The following ARHGAP28 variants were observed in gnomAD, a reference collection of about 807,000 sequenced individuals.
ARHGAP28 encodes the protein rho GTPase-activating protein 28.
A neutral mutation model predicts 90.7 loss-of-function variants in ARHGAP28; 56 were observed. The observed-to-expected ratio is 0.62, with a 90% confidence interval of 0.50 to 0.77. ARHGAP28 has a LOEUF of 0.77. Among genes scored for constraint, ARHGAP28 ranks in the 30% least tolerant of loss-of-function variants. The probability of loss-of-function intolerance (pLI) is 0.00; values close to 1 mark genes in which losing one functional copy is unlikely to be tolerated. For missense variants in ARHGAP28, 869 were observed against 900.9 expected, an observed-to-expected ratio of 0.96 and a Z score of 0.45; for synonymous variants, 308 against 323.3, an observed-to-expected ratio of 0.95 and a Z score of 0.51.
In ARHGAP28 at chr18:6,833,122, T is replaced by C. The variant is rs1001291545; in HGVS notation, c.326-4075T>C. Among the ~76,000 whole-genome samples the C allele has an allele frequency of 2.0e-5, 3 of 151,994 alleles. No individual in the cohort carries two copies. In the East Asian group the frequency reaches 5.8e-4, roughly 29 times the overall value. Reference sequence around the variant, plus strand: ...TAATTTTGAAATAATTCCAAACATATAGGGAAGTCACAAGTACAGTTTTAA... The same window carrying C: ...TAATTTTGAAATAATTCCAAACATACAGGGAAGTCACAAGTACAGTTTTAA... On this transcript the variant is annotated intron_variant, in intron 2 of 17. Transcript: ENST00000383472.
chr18:6,868,295 A>C, intron 6 of ARHGAP28, 61 bp downstream of exon 6: 2 of 1,435,482 alleles, frequency 1.4e-6, no homozygotes, highest in Non-Finnish European at 2.0e-6. Context: ...TCTGGCACTC[A>C]ATACAGTTAG....
At chr18:6,827,722 G>A (rs1307784780) in intron 2 of ARHGAP28, among the ~76,000 whole-genome samples, 1 of 151,608 alleles carries the variant, frequency 6.6e-6, no homozygotes, top group Admixed American at 6.6e-5. Context: ...TGGTTGCCGG[G>A]TGGAGGGGCT....
intron 3 of ARHGAP28, among the ~76,000 whole-genome samples, chr18:6,838,396 G>A (rs892723316): frequency 6.6e-6 from 1 of 152,154 alleles, no homozygotes; most frequent in Admixed American, 6.5e-5. Flanking sequence ...AATTACTTAA[G>A]GTTGTCTGTA....
At chr18:6,780,453 G>A (rs2056315341) in intron 1 of ARHGAP28, among the ~76,000 whole-genome samples, 2 of 152,138 alleles carry the variant, frequency 1.3e-5, no homozygotes, top group East Asian at 3.9e-4. Context: ...TAAGTTATAT[G>A]CAAACACTAC....
At chr18:6,801,663 T>G (rs80339880) in intron 1 of ARHGAP28, among the ~76,000 whole-genome samples, 2,560 of 152,184 alleles carry the variant, frequency 0.017, 74 homozygotes, top group African/African-American at 0.058. Context: ...ATTTTGGGAG[T>G]ACCTAAGATA....
Position 6,827,646 on chromosome 18 carries a change from C to A in ARHGAP28, c.325+2682C>A, listed in dbSNP as rs1443701675. 8.2e-3 allele frequency among the ~76,000 whole-genome samples: 1,234 copies of A among 151,288 alleles called. 15 individuals are homozygous for A. The highest frequency in any genetic ancestry group is 0.028 in the African/African-American group (1,136 of 41,152). ...GCTGGCCGGCAGGGGGGCTGACCCC[C>A]CCCCCACCTCCCTCCTGGATGGGGC... is the stretch of plus-strand genomic sequence containing the variant. On this transcript the variant is annotated intron_variant, in intron 2 of 17. Coordinates refer to ENST00000383472, the MANE Select transcript of ARHGAP28 (RefSeq NM_001366230.1).
intron 5 of ARHGAP28, among the ~76,000 whole-genome samples, chr18:6,863,717 GATAT>G (rs2057015613): frequency 6.6e-6 from 1 of 150,552 alleles, no homozygotes; most frequent in African/African-American, 2.4e-5. Flanking sequence ...ATATATTTTT[GATAT>G]ATTTAATAAT....
At chr18:6,844,903 A>G (rs1316889409) in intron 3 of ARHGAP28, among the ~76,000 whole-genome samples, 1 of 152,240 alleles carries the variant, frequency 6.6e-6, no homozygotes, top group Non-Finnish European at 1.5e-5. Flanking sequence ...CCTACCTTTA[A>G]TAACAAAAAT....
At chr18:6,810,565 A>G (rs2056549228) in intron 1 of ARHGAP28, among the ~76,000 whole-genome samples, 1 of 152,078 alleles carries the variant, frequency 6.6e-6, no homozygotes, top group Non-Finnish European at 1.5e-5. Flanking sequence ...AATAATCCCA[A>G]TCCCTGTATT....
chr18:6,817,184 C>T (rs981189127), intron 1 of ARHGAP28, among the ~76,000 whole-genome samples: 12 of 151,842 alleles, frequency 7.9e-5, no homozygotes, highest in Non-Finnish European at 1.6e-4. Context: ...CATGGTGGTG[C>T]ATGCCTATAA....
At chr18:6,878,171 A>G (rs1431735184) in intron 10 of ARHGAP28, among the ~76,000 whole-genome samples, 1 of 152,150 alleles carries the variant, frequency 6.6e-6, no homozygotes, top group Non-Finnish European at 1.5e-5. Flanking sequence ...AGCCATAAAA[A>G]ATGATGAGTT....
At chr18:6,730,461 T>C (rs79695437) in intron 1 of ARHGAP28, among the ~76,000 whole-genome samples, 6,115 of 152,232 alleles carry the variant, frequency 0.04, 417 homozygotes, top group African/African-American at 0.14. Flanking sequence ...ATTTTATTTC[T>C]ACATGTTAAA....
chr18:6,864,874 G>A (rs2057026814), intron 5 of ARHGAP28, among the ~76,000 whole-genome samples: 1 of 151,842 alleles, frequency 6.6e-6, no homozygotes, highest in Non-Finnish European at 1.5e-5. Context: ...AAGTAGAGAT[G>A]AGGTCTTGCT....
At chr18:6,865,946 C>G (rs920212063) in intron 5 of ARHGAP28, among the ~76,000 whole-genome samples, 2 of 152,070 alleles carry the variant, frequency 1.3e-5, no homozygotes, top group Non-Finnish European at 2.9e-5. Flanking sequence ...TATGAACAAG[C>G]TGGGGAAGGT....
chr18:6,826,537 AT>A (rs1198100134), intron 2 of ARHGAP28, among the ~76,000 whole-genome samples: 1 of 151,708 alleles, frequency 6.6e-6, no homozygotes, highest in African/African-American at 2.4e-5. Flanking sequence ...TTAATTTTTA[AT>A]AATGGCTGAG....
At position 6,913,617 on chromosome 18, in the gene ARHGAP28, T is replaced by C. The variant is rs983262631; in HGVS notation, c.*1463T>C. 1 of 50,830 alleles carries C rather than the reference T, an allele frequency of 2.0e-5. No individual in the cohort carries two copies. The highest frequency in any genetic ancestry group is 6.4e-5 in the African/African-American group (1 of 15,690). 3.1% of individuals were successfully genotyped at this position (50,830 alleles called of 1,614,324 possible). Reference sequence around the variant, plus strand: ...TTAAGCCCATTTGTAGAAGAAATCTTGTATATACTATTATTACACCTTGAT... The same window carrying C: ...TTAAGCCCATTTGTAGAAGAAATCTCGTATATACTATTATTACACCTTGAT... On this transcript the variant is annotated 3_prime_UTR_variant, in exon 18 of 18. Coordinates refer to ENST00000383472, the MANE Select transcript of ARHGAP28 (RefSeq NM_001366230.1).
rs911286844 is a variant in ARHGAP28, at chr18:6,746,299, G to A, written c.122+16356G>A. Among the ~76,000 whole-genome samples, 23 of 152,262 alleles carry A rather than the reference G, an allele frequency of 1.5e-4. 1 individual carries two copies. The highest frequency in any genetic ancestry group is 1.2e-3 in the Admixed American group (19 of 15,288). On this transcript the variant is annotated intron_variant, in intron 1 of 17. Coordinates refer to ENST00000383472, the MANE Select transcript of ARHGAP28 (RefSeq NM_001366230.1). ...CCAGGGGTTGGCACAGTTTTTCTGC[G>A]AAGGGTCAATATTTTAGGCTTTGCT...
chr18:6,851,142 G>A lies in ARHGAP28; in HGVS notation c.636+16G>A, dbSNP rs2056907574. 3 of 1,609,208 alleles carry A rather than the reference G, an allele frequency of 1.9e-6. No homozygotes were observed. Among genetic ancestry groups the A allele is most frequent in the African/African-American group, 1.3e-5 (1 of 74,732 alleles). ...TGGTTCCATGGTAAGTTATAGTTGT[G>A]GGGGGATGGTGGTAGGCATGAAATA... On this transcript the variant is annotated intron_variant, in intron 4 of 17. Coordinates refer to ENST00000383472, the MANE Select transcript of ARHGAP28 (RefSeq NM_001366230.1).
At chr18:6,909,290 CTTTTCTTTTCTTTTTT>C (rs1395404238) in intron 17 of ARHGAP28, among the ~76,000 whole-genome samples, 1 of 53,476 alleles carries the variant, frequency 1.9e-5, no homozygotes, top group Non-Finnish European at 5.3e-5. Context: ...CTTTTCTTTT[CTTTTCTTTTCTTTTTT>C]TTTTGAGACA....
Sources: allele counts gnomAD v4.1 joint callset (sites outside exome capture counted in the v4.1 genomes callset), GRCh38; gene constraint gnomAD v4.1.1; transcripts MANE v1.5; gene names NCBI Gene and HGNC (gene_info 2026-07-23, HGNC 2026-07-21).